Variants in EPHB2 observed in about 807,000 individuals in gnomAD.
EPHB2 encodes the protein EPH receptor B2.
EPHB2 carries 18 observed loss-of-function variants against 96.4 expected under a neutral mutation model. That is an observed-to-expected ratio of 0.19 (90% CI 0.13 to 0.28). The LOEUF is 0.28. Among genes scored for constraint, EPHB2 ranks in the 10% least tolerant of loss-of-function variants. EPHB2 has a pLI of 1.00. For missense variants in EPHB2, 989 were observed against 1,355.4 expected (o/e 0.73, Z 4.25); for synonymous variants, 506 against 534.1 (o/e 0.95, Z 0.72).
intron 1 of EPHB2, among the ~76,000 whole-genome samples, chr1:22,711,791 C>T (rs1010105516): frequency 7.2e-5 from 11 of 152,088 alleles, no homozygotes; most frequent in Non-Finnish European, 1.5e-4. Context: ...CGGGGCCGGA[C>T]CAGATGCTCT....
At position 22,863,485 on chromosome 1, in the gene EPHB2, A is replaced by G. The variant is rs375447763; in HGVS notation, c.967+293A>G. Among the ~76,000 whole-genome samples the G allele has an allele frequency of 2.6e-5, 4 of 152,174 alleles. No homozygotes were observed. In the East Asian group the frequency reaches 5.8e-4, roughly 22 times the overall value. ...GGATGGGAGGCTTGGCAGGAGATGA[A>G]GCAACACAGGTAGTATATGTGGCAG... On this transcript the variant is annotated intron_variant, in intron 4 of 15. Coordinates refer to ENST00000374630, the MANE Select transcript of EPHB2 (RefSeq NM_017449.5).
intron 3 of EPHB2, among the ~76,000 whole-genome samples, chr1:22,820,573 G>A (rs542042888): frequency 6.6e-6 from 1 of 152,260 alleles, no homozygotes; most frequent in African/African-American, 2.4e-5. Context: ...TGAGGTGGGA[G>A]GATCACTTGA....
In EPHB2 at chr1:22,750,133, C is replaced by G. The variant is rs534650171; in HGVS notation, c.62-31288C>G. Reference sequence around the variant, plus strand: ...ATGTGACTTGCCCAAGGTCACACAGCAAGCAAGTGTCAGATGTGGAATTTA... The same window carrying G: ...ATGTGACTTGCCCAAGGTCACACAGGAAGCAAGTGTCAGATGTGGAATTTA... On this transcript the variant is annotated intron_variant, in intron 1 of 15. Transcript: ENST00000374630. Among the ~76,000 whole-genome samples the G allele has an allele frequency of 1.2e-4, 19 of 152,314 alleles. 1 individual carries two copies. The highest frequency in any genetic ancestry group is 2.6e-4 in the Non-Finnish European group (18 of 68,032).
intron 1 of EPHB2, among the ~76,000 whole-genome samples, chr1:22,712,239 A>G (rs10917279): frequency 0.071 from 10,813 of 152,216 alleles, 453 homozygotes; most frequent in African/African-American, 0.11. Context: ...GAGGTTCTGA[A>G]AAGTCCGATG....
At chr1:22,835,363 G>C (rs534527511) in intron 3 of EPHB2, among the ~76,000 whole-genome samples, 1 of 152,190 alleles carries the variant, frequency 6.6e-6, no homozygotes, top group East Asian at 1.9e-4. Context: ...CTGGGTGACA[G>C]AGCAAGACCC....
chr1:22,904,292 CAA>C (rs3053666), intron 9 of EPHB2, among the ~76,000 whole-genome samples: 7 of 129,962 alleles, frequency 5.4e-5, no homozygotes, highest in Admixed American at 7.7e-5. Flanking sequence ...GAACCTGTCT[CAA>C]AAAAAAAAAA....
At chr1:22,798,957 G>C (rs531991759) in intron 3 of EPHB2, among the ~76,000 whole-genome samples, 9 of 152,196 alleles carry the variant, frequency 5.9e-5, no homozygotes, top group Middle Eastern at 3.4e-3. Flanking sequence ...TGTCTAAGGT[G>C]GGGGGGACAT....
chr1:22,793,220 A>AT (rs1644720405), intron 3 of EPHB2, among the ~76,000 whole-genome samples: 1 of 152,104 alleles, frequency 6.6e-6, no homozygotes, highest in Admixed American at 6.5e-5. Flanking sequence ...CAGCTCATTC[A>AT]TTTTTCACTC....
At chr1:22,827,959 C>T (rs1418103309) in intron 3 of EPHB2, among the ~76,000 whole-genome samples, 2 of 152,212 alleles carry the variant, frequency 1.3e-5, no homozygotes, top group Non-Finnish European at 2.9e-5. Flanking sequence ...AGAGCCAGGG[C>T]TATAAACGTG....
In EPHB2 at chr1:22,913,297, A is replaced by G. The variant is rs1252226941; in HGVS notation, c.2853-165A>G. ...CTCAAGTGCTCTTCCACCTCACACC[A>G]TAGTCGCTCCCTCCAGCTGTGGCTG... On this transcript the variant is annotated intron_variant, in intron 15 of 15. Transcript: ENST00000374630. The surrounding 1 kb of genome is among the most constrained non-coding windows in gnomAD (Gnocchi z 4.1). 7 of 840,506 alleles carry G rather than the reference A, an allele frequency of 8.3e-6. No homozygotes were observed. Among genetic ancestry groups the G allele is most frequent in the Non-Finnish European group, 1.2e-5 (6 of 519,390 alleles). 52.1% of individuals were successfully genotyped at this position (840,506 alleles called of 1,614,324 possible). A position where few individuals can be genotyped will look rare whatever the true frequency, so the allele number is the denominator to read the frequency against.
chr1:22,878,768 C>G (rs1047412832), intron 5 of EPHB2, among the ~76,000 whole-genome samples: 1 of 152,258 alleles, frequency 6.6e-6, no homozygotes, highest in Non-Finnish European at 1.5e-5. Context: ...GGGCTCCCCA[C>G]CGCTAGGCTA....
At chr1:22,738,510 T>G (rs760367380) in intron 1 of EPHB2, among the ~76,000 whole-genome samples, 7 of 152,092 alleles carry the variant, frequency 4.6e-5, no homozygotes, top group Non-Finnish European at 8.8e-5. Context: ...AAAACCAAGG[T>G]TCACAGAAGC....
chr1:22,878,316 G>A (rs1638911886), intron 5 of EPHB2, among the ~76,000 whole-genome samples: 1 of 152,368 alleles, frequency 6.6e-6, no homozygotes, highest in Non-Finnish European at 1.5e-5. Flanking sequence ...TAAAATGGGA[G>A]CTTGGACCCC....
At chr1:22,877,813 G>T (rs1476300587) in intron 5 of EPHB2, among the ~76,000 whole-genome samples, 1 of 152,192 alleles carries the variant, frequency 6.6e-6, no homozygotes, top group Non-Finnish European at 1.5e-5. Context: ...TCCTCAAAAT[G>T]TGGTCCACAG....
Position 22,912,559 on chromosome 1 carries a change from G to A in EPHB2, c.2812G>A (p.Gly938Ser), listed in dbSNP as rs750605092. The A allele has an allele frequency of 2.5e-5, 41 of 1,614,058 alleles. 1 individual carries two copies. In the African/African-American group the frequency reaches 2.9e-4, roughly 12 times the overall value. ...GTACAAGGAGAGCTTCGCCAATGCCGGCTTCACCTCCTTTGACGTCGTGTC... is the reference window on the plus strand; with the variant it reads ...GTACAAGGAGAGCTTCGCCAATGCCAGCTTCACCTCCTTTGACGTCGTGTC... ...GQYKESFANA[G>S]FTSFDVVSQM... is the part of the protein sequence containing the mutation. The change falls in exon 15 of 16, where the codon GGC (glycine) becomes AGC (serine). Residue 938 changes from glycine to serine, a missense_variant. Gly to Ser is a moderately conservative substitution (Grantham distance 56). Transcript: ENST00000374630.
At chr1:22,718,756 G>C (rs1643359942) in intron 1 of EPHB2, among the ~76,000 whole-genome samples, 2 of 152,254 alleles carry the variant, frequency 1.3e-5, no homozygotes. Flanking sequence ...GTTGCCCCAA[G>C]AGCCCCACAG....
chr1:22,853,254 G>A (rs901350708), intron 3 of EPHB2, among the ~76,000 whole-genome samples: 3 of 152,254 alleles, frequency 2.0e-5, no homozygotes, highest in Non-Finnish European at 2.9e-5. Context: ...TCAGGAGGCT[G>A]AGCCAGGAGA....
chr1:22,891,405 C>G lies in EPHB2; in HGVS notation c.1429-1479C>G. The stretch of plus-strand genomic sequence containing the variant: ...GATTTTCGTCAGAAAAAAATTGTCT[C>G]AGGAGCTTCATGATCTTCAAAGGGT... On this transcript the variant is annotated intron_variant, in intron 6 of 15. Transcript: ENST00000374630. The G allele has an allele frequency of 1.1e-5, 4 of 351,414 alleles. No homozygotes were observed. In the East Asian group the frequency reaches 2.9e-4, roughly 26 times the overall value. The allele number at this position is 351,414 out of a possible 1,614,324, so 21.8% of individuals were successfully genotyped here.
chr1:22,848,371 G>A (rs1007489737), intron 3 of EPHB2, among the ~76,000 whole-genome samples: 1 of 152,162 alleles, frequency 6.6e-6, no homozygotes, highest in African/African-American at 2.4e-5. Flanking sequence ...ACAAGCTGGA[G>A]GCCTGAGATG....
Sources: gnomAD v4.1 joint callset for allele counts (sites outside exome capture counted in the v4.1 genomes callset) on GRCh38, gnomAD v4.1.1 for gene constraint, Gnocchi (gnomAD v3.1) non-coding constraint, MANE v1.5 for transcripts, NCBI Gene and HGNC (gene_info 2026-07-23, HGNC 2026-07-21) for gene names.